The following XIRP2 variants were observed in gnomAD, a reference collection of about 807,000 sequenced individuals.
XIRP2 encodes the protein xin actin-binding repeat-containing protein 2.
In XIRP2, 236 loss-of-function variants were observed where a neutral mutation model predicts 277.0. That is an observed-to-expected ratio of 0.85 (90% CI 0.77 to 0.95). The LOEUF is 0.95. Ranked by LOEUF, XIRP2 falls within the 40% of genes least tolerant of loss-of-function variation. XIRP2 has a pLI of 0.00. For missense variants in XIRP2, 4,640 were observed against 4,157.5 expected, an observed-to-expected ratio of 1.12 and a Z score of -3.19; for synonymous variants, 1,490 against 1,416.5, an observed-to-expected ratio of 1.05 and a Z score of -1.17.
At chr2:167,173,830 T>TA (rs1559007221) in intron 3 of XIRP2, among the ~76,000 whole-genome samples, 2 of 152,170 alleles carry the variant, frequency 1.3e-5, no homozygotes, top group Non-Finnish European at 2.9e-5. Context: ...ACATGATATC[T>TA]CATTACAGTT....
intron 4 of XIRP2, among the ~76,000 whole-genome samples, chr2:167,216,057 G>A (rs1478977499): frequency 6.9e-6 from 1 of 145,550 alleles, no homozygotes; most frequent in Non-Finnish European, 1.5e-5. Flanking sequence ...AATAAATGGT[G>A]CTGGGAAAAC....
intron 2 of XIRP2, among the ~76,000 whole-genome samples, chr2:166,940,959 A>G (rs1372373541): frequency 6.6e-6 from 1 of 151,554 alleles, no homozygotes; most frequent in Non-Finnish European, 1.5e-5. Flanking sequence ...GAGAACCACT[A>G]CTCTCTTCAA....
intron 2 of XIRP2, among the ~76,000 whole-genome samples, chr2:167,020,518 A>G (rs1687952079): frequency 6.6e-6 from 1 of 151,992 alleles, no homozygotes; most frequent in East Asian, 1.9e-4. Flanking sequence ...ATATGTCTCA[A>G]TATCAAACTC....
At chr2:167,174,668 TTTGC>T (rs1692785931) in intron 3 of XIRP2, among the ~76,000 whole-genome samples, 1 of 152,198 alleles carries the variant, frequency 6.6e-6, no homozygotes, top group African/African-American at 2.4e-5. Flanking sequence ...TTTGAATTTG[TTTGC>T]TCTTGCTTCT....
At position 167,259,196 on chromosome 2, in the gene XIRP2, C is replaced by A; in HGVS notation, c.*1379C>A. Reference sequence around the variant, plus strand: ...ATTTGGAAAGGATGTTAAACCTTGGCATGTTGAAACAACAGAAGCTGCCCG... The same window carrying A: ...ATTTGGAAAGGATGTTAAACCTTGGAATGTTGAAACAACAGAAGCTGCCCG... On this transcript the variant is annotated 3_prime_UTR_variant, in exon 11 of 11. Coordinates refer to ENST00000409195, the MANE Select transcript of XIRP2 (RefSeq NM_152381.6). 6.2e-7 allele frequency: 1 copy of A among 1,613,440 alleles called. No individual in the cohort carries two copies. Among genetic ancestry groups the A allele is most frequent in the Non-Finnish European group, 8.5e-7 (1 of 1,179,646 alleles).
chr2:166,957,356 A>T (rs1256641761), intron 2 of XIRP2, among the ~76,000 whole-genome samples: 1 of 151,782 alleles, frequency 6.6e-6, no homozygotes, highest in Non-Finnish European at 1.5e-5. Flanking sequence ...AGCATTTAAG[A>T]TTTAAAATAA....
At chr2:166,941,829 A>T (rs1685727553) in intron 2 of XIRP2, among the ~76,000 whole-genome samples, 1 of 152,218 alleles carries the variant, frequency 6.6e-6, no homozygotes, top group South Asian at 2.1e-4. Context: ...TTTGTATCTT[A>T]CTTTGAGCAG....
chr2:167,112,290 G>C (rs984739136), intron 2 of XIRP2, among the ~76,000 whole-genome samples: 2 of 151,894 alleles, frequency 1.3e-5, no homozygotes, highest in Middle Eastern at 6.8e-3. Context: ...TTTAATGTGG[G>C]CATTAGTGTT....
chr2:167,080,267 T>G (rs1327826925), intron 2 of XIRP2, among the ~76,000 whole-genome samples: 2 of 152,196 alleles, frequency 1.3e-5, no homozygotes, highest in Non-Finnish European at 2.9e-5. Context: ...TCACAAAATA[T>G]TCTAAGAATT....
chr2:167,199,452 T>A (rs1413202051), intron 3 of XIRP2, among the ~76,000 whole-genome samples: 1 of 152,192 alleles, frequency 6.6e-6, no homozygotes, highest in Admixed American at 6.5e-5. Flanking sequence ...AACAGTTCAC[T>A]ACACATGACC....
At chr2:166,922,903 G>A (rs1685092909) in intron 2 of XIRP2, among the ~76,000 whole-genome samples, 1 of 149,936 alleles carries the variant, frequency 6.7e-6, no homozygotes, top group Non-Finnish European at 1.5e-5. Context: ...CTAGTACTCA[G>A]AGTGAAACTT....
intron 2 of XIRP2, among the ~76,000 whole-genome samples, chr2:167,077,975 C>A (rs145032707): frequency 6.6e-6 from 1 of 152,144 alleles, no homozygotes; most frequent in African/African-American, 2.4e-5. Flanking sequence ...TTTTTGATTG[C>A]GTATGAATTT....
At position 167,219,557 on chromosome 2, in the gene XIRP2, A is replaced by C. The variant is rs570697002; in HGVS notation, c.858+1257A>C. On this transcript the variant is annotated intron_variant, in intron 5 of 10. Coordinates refer to ENST00000409195, the MANE Select transcript of XIRP2 (RefSeq NM_152381.6). The stretch of plus-strand genomic sequence containing the variant: ...CACCTCTGCTACTTTTCAGGGTTAC[A>C]CAGACCCAGGGCCACCTTCATGGAT... Among the ~76,000 whole-genome samples the C allele has an allele frequency of 5.9e-5, 9 of 152,332 alleles. No homozygotes were observed. In the East Asian group the frequency reaches 1.7e-3, roughly 29 times the overall value.
chr2:167,238,871 TATCAATCAATCA>T (rs538585939), intron 5 of XIRP2, among the ~76,000 whole-genome samples: 1 of 152,106 alleles, frequency 6.6e-6, no homozygotes, highest in South Asian at 2.1e-4. Context: ...TGCTTCATCA[TATCAATCAATCA>T]ATCAATCAAT....
intron 2 of XIRP2, among the ~76,000 whole-genome samples, chr2:167,043,197 A>C (rs545182424): frequency 2.6e-5 from 4 of 152,282 alleles, no homozygotes; most frequent in African/African-American, 7.2e-5. Flanking sequence ...TCAAGAGGAA[A>C]GTTTATAGTG....
chr2:167,211,035 C>A, intron 4 of XIRP2, 140 bp downstream of exon 4: 2 of 1,019,292 alleles, frequency 2.0e-6, no homozygotes, highest in Non-Finnish European at 2.8e-6. Context: ...TGAAATAAAT[C>A]CAGACTATCT....
intron 2 of XIRP2, among the ~76,000 whole-genome samples, chr2:167,020,769 T>C (rs540584697): frequency 6.6e-6 from 1 of 152,196 alleles, no homozygotes; most frequent in South Asian, 2.1e-4. Context: ...ATCAGATGAC[T>C]TTCTTATTTT....
chr2:167,194,238 C>G (rs979452452), intron 3 of XIRP2, among the ~76,000 whole-genome samples: 1 of 151,798 alleles, frequency 6.6e-6, no homozygotes, highest in African/African-American at 2.4e-5. Flanking sequence ...TGCACCACAA[C>G]ACCACCTAAT....
chr2:167,158,372 T>C (rs1257522358), intron 3 of XIRP2, among the ~76,000 whole-genome samples: 1 of 152,220 alleles, frequency 6.6e-6, no homozygotes, highest in African/African-American at 2.4e-5. Flanking sequence ...CACTAGATTT[T>C]TTTATGCAAC....
Sources: gnomAD v4.1 joint callset for allele counts (sites outside exome capture counted in the v4.1 genomes callset) on GRCh38, gnomAD v4.1.1 for gene constraint, MANE v1.5 for transcripts, NCBI Gene and HGNC (gene_info 2026-07-23, HGNC 2026-07-21) for gene names.